Variants in DCHS1 observed in about 807,000 individuals in gnomAD.
DCHS1 encodes dachsous cadherin-related 1, also known as protocadherin-16.
In DCHS1, 78 loss-of-function variants were observed where a neutral mutation model predicts 213.9. That is an observed-to-expected ratio of 0.36 (90% CI 0.30 to 0.44). DCHS1 has a LOEUF of 0.44. DCHS1 is among the 20% of genes least tolerant of loss of function. The pLI, the probability that DCHS1 is intolerant of heterozygous loss-of-function variation, is 1.00. For missense variants in DCHS1, 3,946 were observed against 4,395.9 expected (o/e 0.90, Z 2.89); for synonymous variants, 1,828 against 1,873.7 (o/e 0.98, Z 0.63).
In DCHS1 at chr11:6,632,245, G is replaced by A. The variant is rs767185681; in HGVS notation, c.3267C>T (p.Ala1089=). The change falls in exon 6 of 21, where the codon GCC becomes GCT. Residue 1089 remains alanine, a synonymous_variant. Transcript: ENST00000299441. This position sits in a 1 kb window ranked among gnomAD's most constrained non-coding sequence, Gnocchi z 5.9. ...GGTTGAGGATGCTGACCCTCACGGT[G>A]GCTGTGCCTGTCTGCTGCCCCAACT... ...KAELGQQTGT[A]TVRVSILNQN... is the part of the protein sequence containing the mutation. 1.1e-5 allele frequency: 18 copies of A among 1,613,842 alleles called. No individual in the cohort carries two copies. Among genetic ancestry groups the A allele is most frequent in the Admixed American group, 1.7e-5 (1 of 60,010 alleles).
chr11:6,640,389 C>G lies in DCHS1; in HGVS notation c.1225G>C (p.Glu409Gln), dbSNP rs1193203657. 1 of 1,613,758 alleles carries G rather than the reference C, an allele frequency of 6.2e-7. No homozygotes were observed. Among genetic ancestry groups the G allele is most frequent in the African/African-American group, 1.3e-5 (1 of 74,942 alleles). ...TGGGTGCTTAGGGCAAAGTGGCCCT[C>G]TCCACCTTCCAGGGACACATTGACA... ...AHVNVSLEGG[E>Q]GHFALSTQDS... The change falls in exon 2 of 21, where the codon GAG becomes CAG. Residue 409 changes from glutamate to glutamine, a missense_variant. Glu to Gln is a conservative substitution (Grantham distance 29). Transcript: ENST00000299441. The surrounding 1 kb of genome is among the most constrained non-coding windows in gnomAD (Gnocchi z 6.5).
rs758217680 is a variant in DCHS1 at position 6,627,260 on chromosome 11, A to C, written c.5779T>G (p.Phe1927Val). 1 of 1,613,402 alleles carries C rather than the reference A, an allele frequency of 6.2e-7. No individual in the cohort carries two copies. The highest frequency in any genetic ancestry group is 1.1e-5 in the South Asian group (1 of 91,066). The change falls in exon 14 of 21, where the codon TTT becomes GTT. Residue 1927 changes from phenylalanine (F) to valine (V), a missense_variant. Physicochemically the swap from Phe to Val is conservative, Grantham distance 50. Transcript: ENST00000299441. The surrounding 1 kb of genome is among the most constrained non-coding windows in gnomAD (Gnocchi z 5.4). Reference sequence around the variant, plus strand: ...GCACCATCCACTGCACTCACAGAAAAGGTGTAGCTGGGACACTGTTCTCTG... The same window carrying C: ...GCACCATCCACTGCACTCACAGAAACGGTGTAGCTGGGACACTGTTCTCTG... The part of the protein sequence containing the change: ...LDREQCPSYT[F>V]SVSAVDGAAA...
intron 2 of DCHS1, chr11:6,635,291 G>A (rs1212109526): frequency 6.6e-6 from 1 of 152,146 alleles, no homozygotes; most frequent in Non-Finnish European, 1.5e-5. Flanking sequence ...TGCTTTATGT[G>A]TATTTTTTCA....
At position 6,628,812 on chromosome 11, in the gene DCHS1, C is replaced by T; in HGVS notation, c.5180G>A (p.Gly1727Asp). The T allele has an allele frequency of 6.2e-7, 1 of 1,613,564 alleles. No individual in the cohort carries two copies. The highest frequency in any genetic ancestry group is 8.5e-7 in the Non-Finnish European group (1 of 1,179,722). ...GACATGCGTTAACTGAGGAGGTGAG[C>T]CCCTGTCCTGGGCATACACTGTGGG... is the stretch of plus-strand genomic sequence containing the variant. ...INLTVYAQDR[G>D]SPPQLTHVTV... The change falls in exon 13 of 21, where the codon GGC (glycine) becomes GAC (aspartate). Residue 1727 changes from glycine (G) to aspartate (D), a missense_variant. Physicochemically the swap from Gly to Asp is moderately conservative, Grantham distance 94. Transcript: ENST00000299441. The surrounding 1 kb of genome is among the most constrained non-coding windows in gnomAD (Gnocchi z 4.3).
chr11:6,629,654 C>A lies in DCHS1; in HGVS notation c.5035+18G>T. 6.2e-7 allele frequency: 1 copy of A among 1,612,550 alleles called. No individual in the cohort carries two copies. On this transcript the variant is annotated intron_variant, in intron 11 of 20. Transcript: ENST00000299441. ...GCCCCAGTCCATCCCACTCATAATT[C>A]ACCCCCCCAGGTCTTACCCACGTCG...
In DCHS1 at chr11:6,628,630, G is replaced by A. The variant is rs756637447; in HGVS notation, c.5362C>T (p.Arg1788Cys). Residue 1788 changes from arginine to cysteine, a missense_variant, in exon 13 of 21, where the codon CGC becomes TGC. Physicochemically the swap from Arg to Cys is radical, Grantham distance 180. Coordinates refer to ENST00000299441, the MANE Select transcript of DCHS1 (RefSeq NM_003737.4). The surrounding 1 kb of genome is among the most constrained non-coding windows in gnomAD (Gnocchi z 4.3). ...GTGGGAAGGTTCTCACCTAGGATGCGGTACTGCAACTGCCCATTGGCTCCC... is the reference window on the plus strand; with the variant it reads ...GTGGGAAGGTTCTCACCTAGGATGCAGTACTGCAACTGCCCATTGGCTCCC... ...DVGANGQLQYRILDGDPSGAF... is the reference protein window; with the variant it reads ...DVGANGQLQYCILDGDPSGAF... The A allele has an allele frequency of 1.3e-5, 21 of 1,613,882 alleles. No individual in the cohort carries two copies. The Admixed American group carries it at 2.7e-4, about 20-fold the overall frequency.
chr11:6,624,191 C>A lies in DCHS1; in HGVS notation c.7485G>T (p.Leu2495=), dbSNP rs376200643. The change falls in exon 21 of 21, where the codon CTG becomes CTT. Residue 2495 remains leucine (L), a synonymous_variant. Coordinates refer to ENST00000299441, the MANE Select transcript of DCHS1 (RefSeq NM_003737.4). ...GGGTGAGCAGAGTGGAGCCAGGGGG[C>A]AGGTCTTCAGTCACAGCCACACGGT... ...SHYRVAVTED[L]PPGSTLLTLE... The A allele has an allele frequency of 1.0e-4, 166 of 1,613,158 alleles. No individual in the cohort carries two copies. Among genetic ancestry groups the A allele is most frequent in the Non-Finnish European group, 1.3e-4 (156 of 1,179,706 alleles).
chr11:6,650,095 G>A (rs1246302829), intron 1 of DCHS1, among the ~76,000 whole-genome samples: 1 of 152,184 alleles, frequency 6.6e-6, no homozygotes, highest in Non-Finnish European at 1.5e-5. Flanking sequence ...AGTCTAAAGT[G>A]TGGCTCCCTC....
At chr11:6,652,905 G>A (rs1488966469) in intron 1 of DCHS1, among the ~76,000 whole-genome samples, 1 of 152,034 alleles carries the variant, frequency 6.6e-6, no homozygotes, top group Non-Finnish European at 1.5e-5. Context: ...CTTCTCTCCG[G>A]CCACTACTCC....
intron 5 of DCHS1, 35 bp downstream of exon 5, chr11:6,633,377 G>T (rs370014314): frequency 2.3e-5 from 36 of 1,535,490 alleles, no homozygotes; most frequent in Non-Finnish European, 3.0e-5. Context: ...GGGTATTTGG[G>T]TCTGACACCA....
rs1461348465 is a variant in DCHS1, at chr11:6,626,430, G to A, written c.6365-50C>T. 2 of 1,606,468 alleles carry A rather than the reference G, an allele frequency of 1.2e-6. No homozygotes were observed. The highest frequency in any genetic ancestry group is 3.4e-5 in the Admixed American group (2 of 59,082). On this transcript the variant is annotated intron_variant, in intron 15 of 20. Coordinates refer to ENST00000299441, the MANE Select transcript of DCHS1 (RefSeq NM_003737.4). The surrounding 1 kb of genome is among the most constrained non-coding windows in gnomAD (Gnocchi z 5.2). ...GATAGCCCCCTTTGCTTGCCCTGGAGCCTCCTTCTCTAAGACCCCTTACTC... is the reference window on the plus strand; with the variant it reads ...GATAGCCCCCTTTGCTTGCCCTGGAACCTCCTTCTCTAAGACCCCTTACTC...
chr11:6,630,749 A>G lies in DCHS1; in HGVS notation c.4045T>C (p.Ser1349Pro). ...GGCGCTGCCACCGAGCCCAACAGAG[A>G]GCCGGGCCGCAGTCCCTCAGCTGCT... The part of the protein sequence containing the change: ...VTAAEGLRPG[S>P]LLGSVAAPEP... Residue 1349 changes from serine to proline, a missense_variant, in exon 10 of 21, where the codon TCT (serine) becomes CCT (proline). Ser to Pro is a moderately conservative substitution (Grantham distance 74, BLOSUM62 -1). This residue lies in a region of DCHS1 where 3,384 missense variants were observed against 3,780.1 expected (regional missense o/e 0.90). Coordinates refer to ENST00000299441, the MANE Select transcript of DCHS1 (RefSeq NM_003737.4). 6.5e-7 allele frequency: 1 copy of G among 1,545,392 alleles called. No individual in the cohort carries two copies. Among genetic ancestry groups the G allele is most frequent in the Non-Finnish European group, 8.7e-7 (1 of 1,147,220 alleles).
In DCHS1 at chr11:6,640,801, G is replaced by T. The variant is rs1311576021; in HGVS notation, c.813C>A (p.Gly271=). The change falls in exon 2 of 21, where the codon GGC becomes GGA. Residue 271 remains glycine, a synonymous_variant. Coordinates refer to ENST00000299441, the MANE Select transcript of DCHS1 (RefSeq NM_003737.4). The surrounding 1 kb of genome is among the most constrained non-coding windows in gnomAD (Gnocchi z 6.5). ...HAVVSESLAP[G]SPVLQVFASD... is the part of the protein sequence containing the mutation. ...ATGCGAACACCTGCAAGACAGGACT[G>T]CCAGGGGCCAGGCTCTCAGACACCA... is the stretch of plus-strand genomic sequence containing the variant. 1 of 1,613,944 alleles carries T rather than the reference G, an allele frequency of 6.2e-7. No homozygotes were observed. The highest frequency in any genetic ancestry group is 1.3e-5 in the African/African-American group (1 of 74,934).
In DCHS1 at chr11:6,624,383, C is replaced by T; in HGVS notation, c.7293G>A (p.Leu2431=). The change falls in exon 21 of 21, where the codon CTG becomes CTA. Residue 2431 remains leucine, a synonymous_variant. Coordinates refer to ENST00000299441, the MANE Select transcript of DCHS1 (RefSeq NM_003737.4). ...AGGCCACTGTTCCCACTATTGTGAA[C>T]AGGGTCCCTGAGATGAGAACGGAAG... ...GFSVDPNNGT[L]FTIVGTVALG... 6.4e-7 allele frequency: 1 copy of T among 1,558,084 alleles called. No individual in the cohort carries two copies. The highest frequency in any genetic ancestry group is 8.7e-7 in the Non-Finnish European group (1 of 1,150,070).
chr11:6,623,966 T>G lies in DCHS1; in HGVS notation c.7710A>C (p.Leu2570=). The change falls in exon 21 of 21, where the codon CTA becomes CTC. Residue 2570 remains leucine, a synonymous_variant. Coordinates refer to ENST00000299441, the MANE Select transcript of DCHS1 (RefSeq NM_003737.4). ...GCCCACGGTCAGCTGCAGCCACTGT[T>G]AGATTGTACTGTGTCAGGCTTTCAA... ...LDFESLTQYN[L]TVAAADRGQP... 6.2e-7 allele frequency: 1 copy of G among 1,609,358 alleles called. No homozygotes were observed. Among genetic ancestry groups the G allele is most frequent in the Non-Finnish European group, 8.5e-7 (1 of 1,176,390 alleles).
intron 5 of DCHS1, 120 bp from the exon 6 acceptor site, chr11:6,633,176 G>C (rs1487762538): frequency 6.2e-6 from 8 of 1,288,284 alleles, no homozygotes; most frequent in Non-Finnish European, 8.5e-6. Context: ...CAAAATATTA[G>C]GAGGAGGGGC....
Position 6,632,102 on chromosome 11 carries a change from T to A in DCHS1, c.3410A>T (p.Asn1137Ile). The A allele has an allele frequency of 6.4e-7, 1 of 1,553,844 alleles. No individual in the cohort carries two copies. Among genetic ancestry groups the A allele is most frequent in the Non-Finnish European group, 8.7e-7 (1 of 1,145,534 alleles). ...TTGCAGGCTGTAGGTCAGACGTCCA[T>A]TGGGTCCTGAGTCTCGGTCAGTGGC... is the stretch of plus-strand genomic sequence containing the variant. ...VFATDRDSGP[N>I]GRLTYSLQQL... is the part of the protein sequence containing the mutation. Residue 1137 changes from asparagine (N) to isoleucine (I), a missense_variant, in exon 6 of 21, where the codon AAT (asparagine) becomes ATT (isoleucine). Asn to Ile is a moderately radical substitution (Grantham distance 149). Coordinates refer to ENST00000299441, the MANE Select transcript of DCHS1 (RefSeq NM_003737.4). The surrounding 1 kb of genome is among the most constrained non-coding windows in gnomAD (Gnocchi z 5.9).
rs1175770184 is a variant in DCHS1 at position 6,626,018 on chromosome 11, A to G, written c.6633T>C (p.Ala2211=). Residue 2211 remains alanine (A), a synonymous_variant, in exon 17 of 21, where the codon GCT becomes GCC. Transcript: ENST00000299441. This position sits in a 1 kb window ranked among gnomAD's most constrained non-coding sequence, Gnocchi z 5.2. ...GSGGQISYSL[A]ASQPARGLFH... ...ACAATCCACGTGCCGGCTGGGATGC[A>G]GCCAGACTGTAGGAAATCTGTCCTC... 5.0e-6 allele frequency: 8 copies of G among 1,612,544 alleles called. No homozygotes were observed. In the East Asian group the frequency reaches 1.1e-4, roughly 22 times the overall value.
chr11:6,646,579 T>C (rs1330767736), intron 1 of DCHS1, among the ~76,000 whole-genome samples: 2 of 152,112 alleles, frequency 1.3e-5, no homozygotes, highest in African/African-American at 2.4e-5. Flanking sequence ...CAGCATATGC[T>C]GCCTCCTGCC....
Sources: allele counts gnomAD v4.1 joint callset (sites outside exome capture counted in the v4.1 genomes callset), GRCh38; gene constraint gnomAD v4.1.1; regional missense constraint gnomAD v4.1.1; non-coding constraint Gnocchi (gnomAD v3.1); transcripts MANE v1.5; gene names NCBI Gene and HGNC (gene_info 2026-07-23, HGNC 2026-07-21).